Variants in MGST1 observed in about 807,000 individuals in gnomAD.
The protein encoded by MGST1 is glutathione S-transferase 12.
MGST1 carries 5 observed loss-of-function variants against 8.9 expected under a neutral mutation model. The observed-to-expected ratio is 0.56, with a 90% CI of 0.29 to 1.19. MGST1 has a LOEUF of 1.19. Ranked by LOEUF, MGST1 falls within the 50% of genes most tolerant of loss-of-function variation. The pLI is 0.08. For missense variants in MGST1, 182 were observed against 187.4 expected, an observed-to-expected ratio of 0.97 and a Z score of 0.17; for synonymous variants, 54 against 67.8, an observed-to-expected ratio of 0.80 and a Z score of 1.00.
At chr12:16,474,517 A>G (rs1224197813) in intron 4 of MGST1, among the ~76,000 whole-genome samples, 4 of 152,242 alleles carry the variant, frequency 2.6e-5, no homozygotes, top group South Asian at 2.1e-4. Context: ...AGCTGAACAC[A>G]TATCTCCAAG....
At chr12:16,453,476 A>C (rs1941146536) in intron 4 of MGST1, among the ~76,000 whole-genome samples, 1 of 151,984 alleles carries the variant, frequency 6.6e-6, no homozygotes, top group Non-Finnish European at 1.5e-5. Flanking sequence ...AAACAAATAC[A>C]TAAATATCTA....
At chr12:16,354,781 TAGAAAAAAAAAGA>T (rs1404314649) in intron 2 of MGST1, 3 of 150,262 alleles carry the variant, frequency 2.0e-5, no homozygotes, top group African/African-American at 4.9e-5. Context: ...TAAAAAAAAA[TAGAAAAAAAAAGA>T]AGAAAGAAAA....
intron 4 of MGST1, among the ~76,000 whole-genome samples, chr12:16,556,429 A>ACGAT (rs1555113826): frequency 1.3e-5 from 2 of 152,208 alleles, no homozygotes; most frequent in African/African-American, 4.8e-5. Context: ...TATATAAGGG[A>ACGAT]CAATCAATCC....
intron 1 of MGST1, among the ~76,000 whole-genome samples, chr12:16,418,753 T>A (rs186095071): frequency 2.2e-4 from 33 of 152,250 alleles, no homozygotes; most frequent in African/African-American, 7.2e-4. Flanking sequence ...ATACTAATAA[T>A]AATGCCTAAC....
At chr12:16,578,539 C>T (rs112753832) in intron 4 of MGST1, among the ~76,000 whole-genome samples, 426 of 152,132 alleles carry the variant, frequency 2.8e-3, no homozygotes, top group Middle Eastern at 0.01. Context: ...CACATTAGGC[C>T]GGGCGCCGTG....
chr12:16,532,120 A>C (rs756358233), intron 4 of MGST1, among the ~76,000 whole-genome samples: 3 of 152,140 alleles, frequency 2.0e-5, no homozygotes, highest in Non-Finnish European at 4.4e-5. Flanking sequence ...TGCTCAGGAC[A>C]GACTGCAAAA....
chr12:16,472,825 A>G (rs994255863), intron 4 of MGST1, among the ~76,000 whole-genome samples: 2 of 152,150 alleles, frequency 1.3e-5, no homozygotes, highest in Non-Finnish European at 2.9e-5. Context: ...CTGGCAGCAA[A>G]AGGAGAGGCA....
intron 3 of MGST1, among the ~76,000 whole-genome samples, chr12:16,374,231 ACAGCTGATGATGTCTAACAT>A (rs1940345124): frequency 6.6e-6 from 1 of 152,136 alleles, no homozygotes; most frequent in South Asian, 2.1e-4. Flanking sequence ...AAACTCAGAA[ACAGCTGATGATGTCTAACAT>A]CTTTGTTTTT....
chr12:16,365,917 A>T (rs1414653131), downstream of MGST1, among the ~76,000 whole-genome samples: 1 of 152,200 alleles, frequency 6.6e-6, no homozygotes, highest in East Asian at 1.9e-4. Flanking sequence ...CCCATGTGTG[A>T]ATTATCTCAG....
At chr12:16,521,286 A>G (rs7300446) in intron 4 of MGST1, among the ~76,000 whole-genome samples, 23,482 of 152,102 alleles carry the variant, frequency 0.15, 1,922 homozygotes, top group East Asian at 0.28. Flanking sequence ...AGAAAGACCT[A>G]TGCCCATTCC....
At chr12:16,404,855 G>A (rs1354731762) in intron 1 of MGST1, among the ~76,000 whole-genome samples, 3 of 152,066 alleles carry the variant, frequency 2.0e-5, no homozygotes, top group Non-Finnish European at 4.4e-5. Flanking sequence ...CTGGCTCTGA[G>A]ATACATTTTT....
intron 1 of MGST1, among the ~76,000 whole-genome samples, chr12:16,397,672 A>C (rs1940616862): frequency 6.6e-6 from 1 of 151,984 alleles, no homozygotes; most frequent in Admixed American, 6.6e-5. Flanking sequence ...GCCAACAAAC[A>C]TCTGAAAAAA....
chr12:16,368,655 C>G (rs1940235499), downstream of MGST1, among the ~76,000 whole-genome samples: 1 of 152,078 alleles, frequency 6.6e-6, no homozygotes, highest in African/African-American at 2.4e-5. Flanking sequence ...AATTTGGCAC[C>G]AATCTCTCAT....
Position 16,517,734 on chromosome 12 carries a change from G to A in MGST1, n.483-71794G>A, listed in dbSNP as rs79368731. On this transcript the variant is annotated intron_variant and non_coding_transcript_variant, in intron 4 of 4. Transcript: ENST00000538857. The surrounding 1 kb of genome is among the most constrained non-coding windows in gnomAD (Gnocchi z 4.2). ...ACAGAGAAGAGAGTTTTAGCCAATG[G>A]TCTTCTGCTATTCCAGATTCATTAA... is the stretch of plus-strand genomic sequence containing the variant. Among the ~76,000 whole-genome samples the A allele has an allele frequency of 0.022, 3,292 of 152,282 alleles. 128 individuals are homozygous for A. Among genetic ancestry groups the A allele is most frequent in the African/African-American group, 0.076 (3,138 of 41,546 alleles).
chr12:16,396,300 T>A (rs1462335852), intron 1 of MGST1, among the ~76,000 whole-genome samples: 2 of 152,058 alleles, frequency 1.3e-5, no homozygotes, highest in African/African-American at 4.8e-5. Context: ...GTAGTAAAAG[T>A]CATCTATGAC....
chr12:16,475,370 T>A (rs1378716194), intron 4 of MGST1, among the ~76,000 whole-genome samples: 1 of 152,198 alleles, frequency 6.6e-6, no homozygotes, highest in Non-Finnish European at 1.5e-5. Context: ...ATGCAAGTGC[T>A]GGAGTCTCTA....
chr12:16,499,063 GA>G (rs1358511153), intron 4 of MGST1, among the ~76,000 whole-genome samples: 2 of 152,118 alleles, frequency 1.3e-5, no homozygotes, highest in African/African-American at 4.8e-5. Context: ...GATACTTCAT[GA>G]AAAGTAATTG....
At chr12:16,373,842 G>C (rs1165642753) in intron 3 of MGST1, among the ~76,000 whole-genome samples, 1 of 152,026 alleles carries the variant, frequency 6.6e-6, no homozygotes, top group African/African-American at 2.4e-5. Flanking sequence ...GGGATACTCA[G>C]TAATTTTTCA....
Position 16,584,462 on chromosome 12 carries a change from C to A in MGST1, n.483-5066C>A, listed in dbSNP as rs7297697. Among the ~76,000 whole-genome samples, 3,809 of 152,194 alleles carry A rather than the reference C, an allele frequency of 0.025. 164 individuals are homozygous for A. The highest frequency in any genetic ancestry group is 0.087 in the African/African-American group (3,597 of 41,504). Reference sequence around the variant, plus strand: ...ACACAGCAAAAGTTATTGACAAGGACATGAGGTTTCTGGAGGACCCAGTGG... The same window carrying A: ...ACACAGCAAAAGTTATTGACAAGGAAATGAGGTTTCTGGAGGACCCAGTGG... On this transcript the variant is annotated intron_variant and non_coding_transcript_variant, in intron 4 of 4. Transcript: ENST00000538857. This position sits in a 1 kb window ranked among gnomAD's most constrained non-coding sequence, Gnocchi z 5.2.
Sources: allele counts gnomAD v4.1 joint callset (sites outside exome capture counted in the v4.1 genomes callset), GRCh38; gene constraint gnomAD v4.1.1; non-coding constraint Gnocchi (gnomAD v3.1); transcripts MANE v1.5; gene names NCBI Gene and HGNC (gene_info 2026-07-23, HGNC 2026-07-21).